The following MPDZ variants were observed in gnomAD, a reference collection of about 807,000 sequenced individuals.
MPDZ encodes multiple PDZ domain protein.
In MPDZ, 234 loss-of-function variants were observed where a neutral mutation model predicts 239.1. The ratio of observed to expected loss-of-function variants is 0.98; its 90% confidence interval spans 0.88 to 1.09. MPDZ has a LOEUF of 1.09. Among genes scored for constraint, MPDZ ranks in the 50% least tolerant of loss-of-function variants. The pLI is 0.00. For missense variants in MPDZ, 3,175 were observed against 2,510.0 expected (o/e 1.26, Z -5.66); for synonymous variants, 1,048 against 881.3 (o/e 1.19, Z -3.35).
Position 13,106,810 on chromosome 9 carries a change from C to A in MPDZ, c.*155G>T. 1 of 740,398 alleles carries A rather than the reference C, an allele frequency of 1.4e-6. No homozygotes were observed. Among genetic ancestry groups the A allele is most frequent in the South Asian group, 3.2e-5 (1 of 30,928 alleles). The allele number at this position is 740,398 out of a possible 1,614,324, so 45.9% of individuals were successfully genotyped here. On this transcript the variant is annotated 3_prime_UTR_variant, in exon 47 of 47. Coordinates refer to ENST00000319217, the MANE Select transcript of MPDZ (RefSeq NM_001378778.1). ...GATGTTAGGTTGTCAGTAAGGAAAG[C>A]ATTTCTAGATGAGAAAAAGAAACTT...
chr9:13,279,257 A>ACCCCCACCCCCC (rs1975043657), intron 1 of MPDZ, 143 bp downstream of exon 1: 5 of 23,956 alleles, frequency 2.1e-4, no homozygotes, highest in Non-Finnish European at 4.6e-4. Context: ...CCCTACCCCC[A>ACCCCCACCCCCC]CCCCCACCCC....
intron 26 of MPDZ, among the ~76,000 whole-genome samples, chr9:13,146,714 G>A (rs1948480813): frequency 6.6e-6 from 1 of 151,858 alleles, no homozygotes; most frequent in African/African-American, 2.4e-5. Flanking sequence ...AAAGGGGTAT[G>A]TGAATCCAAA....
chr9:13,225,526 G>A (rs945919809), intron 3 of MPDZ, among the ~76,000 whole-genome samples: 9 of 151,854 alleles, frequency 5.9e-5, no homozygotes, highest in South Asian at 4.1e-4. Flanking sequence ...TTCCAGTCCT[G>A]CAGGCTCCAT....
chr9:13,232,865 GAAAAA>G (rs751725550), intron 3 of MPDZ, among the ~76,000 whole-genome samples: 9 of 76,416 alleles, frequency 1.2e-4, no homozygotes, highest in Non-Finnish European at 2.5e-4. Flanking sequence ...AAAATGGGTG[GAAAAA>G]AAAAAAAAAA....
intron 3 of MPDZ, among the ~76,000 whole-genome samples, chr9:13,243,337 CA>C (rs1192822543): frequency 6.6e-6 from 1 of 151,190 alleles, no homozygotes; most frequent in Non-Finnish European, 1.5e-5. Flanking sequence ...CCACATTGAA[CA>C]ATACATAGTC....
chr9:13,136,219 T>G (rs1395094443), intron 30 of MPDZ, 37 bp from the exon 31 acceptor site: 1 of 1,393,668 alleles, frequency 7.2e-7, no homozygotes, highest in African/African-American at 1.4e-5. Context: ...TATAACATCA[T>G]GGTATTATTT....
At chr9:13,230,781 TA>T (rs1201030492) in intron 3 of MPDZ, among the ~76,000 whole-genome samples, 1 of 152,084 alleles carries the variant, frequency 6.6e-6, no homozygotes, top group Non-Finnish European at 1.5e-5. Flanking sequence ...GGGAGGAATT[TA>T]AAACAAATTT....
intron 3 of MPDZ, among the ~76,000 whole-genome samples, chr9:13,233,974 G>GATGA (rs1564094211): frequency 6.6e-6 from 1 of 152,082 alleles, no homozygotes; most frequent in Non-Finnish European, 1.5e-5. Context: ...CTCAGGTAAA[G>GATGA]ATGAATCCTC....
In MPDZ at chr9:13,278,765, C is replaced by T. The variant is rs376073210; in HGVS notation, c.-58+635G>A. ...GGGACGGGGCACCGGTACCAATTAG[C>T]GGCTCGCCTCGGGGTCCCCGCGGCT... is the stretch of plus-strand genomic sequence containing the variant. On this transcript the variant is annotated intron_variant, in intron 1 of 46. Coordinates refer to ENST00000319217, the MANE Select transcript of MPDZ (RefSeq NM_001378778.1). 2.0e-5 allele frequency among the ~76,000 whole-genome samples: 3 copies of T among 152,200 alleles called. No individual in the cohort carries two copies. The South Asian group carries it at 6.2e-4, about 32-fold the overall frequency.
At chr9:13,202,896 A>C (rs1402023843) in intron 12 of MPDZ, among the ~76,000 whole-genome samples, 1 of 152,030 alleles carries the variant, frequency 6.6e-6, no homozygotes, top group Non-Finnish European at 1.5e-5. Context: ...TTTGTCTTTG[A>C]TAGTTTCCAG....
At chr9:13,208,903 G>A (rs988856828) in intron 10 of MPDZ, among the ~76,000 whole-genome samples, 2 of 151,964 alleles carry the variant, frequency 1.3e-5, no homozygotes, top group Non-Finnish European at 2.9e-5. Context: ...TCTCCACCCT[G>A]CTGATTCCCT....
At chr9:13,220,753 T>A (rs919187053) in intron 7 of MPDZ, among the ~76,000 whole-genome samples, 1 of 152,144 alleles carries the variant, frequency 6.6e-6, no homozygotes, top group African/African-American at 2.4e-5. Flanking sequence ...CACTTTATTT[T>A]TTAAAAAGTT....
intron 1 of MPDZ, among the ~76,000 whole-genome samples, chr9:13,256,811 A>C (rs574834298): frequency 1.1e-4 from 16 of 152,376 alleles, no homozygotes; most frequent in African/African-American, 3.8e-4. Context: ...ACACAGACAC[A>C]AAGTAAGCAT....
chr9:13,151,343 A>G (rs552806061), intron 24 of MPDZ, among the ~76,000 whole-genome samples: 2 of 152,274 alleles, frequency 1.3e-5, no homozygotes, highest in Admixed American at 6.5e-5. Context: ...CAGGATCTCA[A>G]AGAAATATTT....
rs1451618231 is a variant in MPDZ at position 13,222,270 on chromosome 9, G to A, written c.710C>T (p.Pro237Leu). ...AGCTGAAATTGTGCTGGCTGCAGAT[G>A]GAGAACGGGAAACTATGGGGCTGAC... is the stretch of plus-strand genomic sequence containing the variant. ...QLVSPIVSRS[P>L]SAASTISAHS... Residue 237 changes from proline (P) to leucine (L), a missense_variant, in exon 6 of 47, where the codon CCA becomes CTA. Transcript: ENST00000319217. The A allele has an allele frequency of 1.9e-6, 3 of 1,612,632 alleles. No homozygotes were observed. The East Asian group carries it at 6.7e-5, about 36-fold the overall frequency.
chr9:13,247,489 T>C, intron 3 of MPDZ, 146 bp downstream of exon 3: 1 of 795,818 alleles, frequency 1.3e-6, no homozygotes, highest in Non-Finnish European at 1.9e-6. Flanking sequence ...AAAGCCACAG[T>C]GAATCTGAAT....
intron 35 of MPDZ, 95 bp downstream of exon 35, chr9:13,125,121 G>T: frequency 8.4e-7 from 1 of 1,193,594 alleles, no homozygotes. Context: ...TCCAAACAGT[G>T]AGCCACAGGT....
chr9:13,139,647 C>T (rs537956269), intron 28 of MPDZ, among the ~76,000 whole-genome samples: 26 of 152,140 alleles, frequency 1.7e-4, no homozygotes, highest in Non-Finnish European at 3.7e-4. Context: ...TCCTCATTCA[C>T]ATGAGGAATC....
chr9:13,183,302 C>A, intron 19 of MPDZ, 116 bp downstream of exon 19: 1 of 789,426 alleles, frequency 1.3e-6, no homozygotes. Flanking sequence ...GAATCCACAA[C>A]TGGAGAAACA....
Sources: gnomAD v4.1 joint callset for allele counts (sites outside exome capture counted in the v4.1 genomes callset) on GRCh38, gnomAD v4.1.1 for gene constraint, MANE v1.5 for transcripts, NCBI Gene and HGNC (gene_info 2026-07-23, HGNC 2026-07-21) for gene names.